The following PKM variants were observed in gnomAD, a reference collection of about 807,000 sequenced individuals.
The protein encoded by PKM is pyruvate kinase PKM.
In PKM, 18 loss-of-function variants were observed where a neutral mutation model predicts 49.8. The observed-to-expected ratio is 0.36, with a 90% confidence interval of 0.25 to 0.54. The LOEUF (loss-of-function observed/expected upper bound fraction) is 0.54. PKM is among the 20% of genes least tolerant of loss of function. The probability of loss-of-function intolerance (pLI) is 0.89; values close to 1 mark genes in which losing one functional copy is unlikely to be tolerated. For missense variants in PKM, 508 were observed against 713.8 expected, an observed-to-expected ratio of 0.71 and a Z score of 3.28; for synonymous variants, 239 against 261.8, an observed-to-expected ratio of 0.91 and a Z score of 0.84.
At chr15:72,226,877 C>T (rs944915239) in intron 1 of PKM, among the ~76,000 whole-genome samples, 4 of 152,216 alleles carry the variant, frequency 2.6e-5, no homozygotes, top group Non-Finnish European at 4.4e-5. Flanking sequence ...TTCCCTCCTA[C>T]GTGCAGACAA....
chr15:72,207,000 G>A, intron 7 of PKM, 120 bp from the exon 8 acceptor site: 3 of 1,468,562 alleles, frequency 2.0e-6, no homozygotes, highest in Non-Finnish European at 1.9e-6. Context: ...GTAGGTACAT[G>A]GGGGAAGGGG....
Position 72,202,911 on chromosome 15 carries a change from G to A in PKM, c.1141-291C>T, listed in dbSNP as rs998058150. 1.9e-5 allele frequency: 22 copies of A among 1,150,262 alleles called. No homozygotes were observed. Among genetic ancestry groups the A allele is most frequent in the South Asian group, 4.9e-5 (4 of 81,124 alleles). The allele number at this position is 1,150,262 out of a possible 1,614,324, so 71.3% of individuals were successfully genotyped here. ...CCTCCCTGGCGGTGTTCCTACAGAC[G>A]AGAAGAGGCTCTGTGCCCAGATGCC... is the stretch of plus-strand genomic sequence containing the variant. On this transcript the variant is annotated intron_variant, in intron 8 of 10. Coordinates refer to ENST00000335181, the MANE Select transcript of PKM (RefSeq NM_002654.6). The surrounding 1 kb of genome is among the most constrained non-coding windows in gnomAD (Gnocchi z 4.5).
chr15:72,209,031 T>A, intron 5 of PKM, 140 bp from the exon 6 acceptor site: 1 of 862,630 alleles, frequency 1.2e-6, no homozygotes, highest in Non-Finnish European at 1.9e-6. Context: ...GTTGAAAACC[T>A]ACTACACTGT....
At chr15:72,221,681 T>C (rs1189225830) in intron 1 of PKM, among the ~76,000 whole-genome samples, 2 of 152,044 alleles carry the variant, frequency 1.3e-5, no homozygotes, top group Non-Finnish European at 2.9e-5. Context: ...TATAAAATTG[T>C]TGGGAGGAAG....
At chr15:72,224,472 C>T (rs2082607725) in intron 1 of PKM, among the ~76,000 whole-genome samples, 1 of 152,126 alleles carries the variant, frequency 6.6e-6, no homozygotes, top group South Asian at 2.1e-4. Flanking sequence ...TATGACTGGT[C>T]TTCCTACGGC....
At chr15:72,214,118 T>C (rs544974363) in intron 3 of PKM, among the ~76,000 whole-genome samples, 1 of 152,352 alleles carries the variant, frequency 6.6e-6, no homozygotes, top group South Asian at 2.1e-4. Flanking sequence ...TACCTTGAGA[T>C]CTTTGCTTTC....
chr15:72,228,645 C>G (rs761154351), intron 1 of PKM: 6 of 1,285,620 alleles, frequency 4.7e-6, no homozygotes, highest in Middle Eastern at 2.1e-4. Context: ...CAGAGCCCCA[C>G]TCCCCCACAG....
chr15:72,203,431 T>C, intron 8 of PKM: 1 of 544,944 alleles, frequency 1.8e-6, no homozygotes, highest in African/African-American at 1.9e-5. Flanking sequence ...GGAAGGATTT[T>C]TTCATTGGGG....
At chr15:72,226,097 C>G (rs1411890423) in intron 1 of PKM, among the ~76,000 whole-genome samples, 1 of 152,230 alleles carries the variant, frequency 6.6e-6, no homozygotes, top group Non-Finnish European at 1.5e-5. Context: ...TACAACATCT[C>G]TATTTCCCTG....
intron 1 of PKM, among the ~76,000 whole-genome samples, chr15:72,225,151 T>C (rs2082634313): frequency 6.7e-6 from 1 of 149,456 alleles, no homozygotes; most frequent in African/African-American, 2.5e-5. Flanking sequence ...TTAGCCAGGA[T>C]GGTCTCAATC....
intron 3 of PKM, among the ~76,000 whole-genome samples, chr15:72,216,206 T>G (rs1274421839): frequency 6.6e-6 from 1 of 152,232 alleles, no homozygotes; most frequent in Non-Finnish European, 1.5e-5. Flanking sequence ...GATAGCATTT[T>G]CTTTACTCTC....
chr15:72,200,395 A>G lies in PKM; in HGVS notation c.1489+79T>C. 1 of 1,397,770 alleles carries G rather than the reference A, an allele frequency of 7.2e-7. No homozygotes were observed. Among genetic ancestry groups the G allele is most frequent in the Non-Finnish European group, 1.0e-6 (1 of 990,304 alleles). The allele number at this position is 1,397,770 out of a possible 1,614,324, so 86.6% of individuals were successfully genotyped here. A position where few individuals can be genotyped will look rare whatever the true frequency, so the allele number is the denominator to read the frequency against. On this transcript the variant is annotated intron_variant, in intron 10 of 10. Transcript: ENST00000335181. This position sits in a 1 kb window ranked among gnomAD's most constrained non-coding sequence, Gnocchi z 4.6. The stretch of plus-strand genomic sequence containing the variant: ...GTGTGTTCCCCTTTCTATTCCCCAA[A>G]CTTTCGGGGTCCCACAGAAGCCAAT...
At chr15:72,230,128 C>G (rs1481055912) in intron 1 of PKM, among the ~76,000 whole-genome samples, 1 of 152,110 alleles carries the variant, frequency 6.6e-6, no homozygotes. Flanking sequence ...TCCCTGGCGG[C>G]CACCCGGCAA....
At chr15:72,231,520 G>C (rs952747194), upstream of PKM, 1 of 152,536 alleles carries the variant, frequency 6.6e-6, no homozygotes, top group Non-Finnish European at 1.5e-5. Context: ...CGGGCCACCT[G>C]TTGCCGCCAA....
chr15:72,229,025 A>C (rs1203365329), intron 1 of PKM, among the ~76,000 whole-genome samples: 1 of 152,200 alleles, frequency 6.6e-6, no homozygotes, highest in South Asian at 2.1e-4. Context: ...GAGAGTTGGA[A>C]AGTTACATTA....
In PKM at chr15:72,200,717, A is replaced by C; in HGVS notation, c.1308-62T>G. The C allele has an allele frequency of 6.2e-6, 9 of 1,447,782 alleles. No homozygotes were observed. The highest frequency in any genetic ancestry group is 8.6e-6 in the Non-Finnish European group (9 of 1,046,406). The allele number at this position is 1,447,782 out of a possible 1,614,324, so 89.7% of individuals were successfully genotyped here. On this transcript the variant is annotated intron_variant, in intron 9 of 10. Transcript: ENST00000335181. The surrounding 1 kb of genome is among the most constrained non-coding windows in gnomAD (Gnocchi z 4.6). ...ACACGAGGCCCCAGGAAGTACCCTCAGGGCGTTCAAACAGCTCACCCTCTC... is the reference window on the plus strand; with the variant it reads ...ACACGAGGCCCCAGGAAGTACCCTCCGGGCGTTCAAACAGCTCACCCTCTC...
rs2082447653 is a variant in PKM, at chr15:72,218,960, G to A, written c.138C>T (p.Gly46=). The A allele has an allele frequency of 6.2e-7, 1 of 1,614,054 alleles. No homozygotes were observed. The highest frequency in any genetic ancestry group is 1.3e-5 in the African/African-American group (1 of 74,920). The change falls in exon 2 of 11, where the codon GGC becomes GGT. Residue 46 remains glycine (G), a synonymous_variant. Coordinates refer to ENST00000335181, the MANE Select transcript of PKM (RefSeq NM_002654.6). ...DSPPITARNT[G]IICTIGPASR... ...CCCACTCACCAATGGTACAGATGAT[G>A]CCAGTGTTCCGGGCTGTGATGGGTG...
chr15:72,218,849 A>C, intron 2 of PKM, 95 bp downstream of exon 2: 1 of 1,261,228 alleles, frequency 7.9e-7, no homozygotes, highest in Non-Finnish European at 1.1e-6. Flanking sequence ...CCCATGTAGC[A>C]CCTAGGTTTG....
intron 1 of PKM, among the ~76,000 whole-genome samples, chr15:72,222,782 C>T (rs1039463188): frequency 6.6e-6 from 1 of 152,194 alleles, no homozygotes; most frequent in Non-Finnish European, 1.5e-5. Flanking sequence ...CATGTCTCCT[C>T]TGTGAGAAAG....
Sources: gnomAD v4.1 joint callset for allele counts (sites outside exome capture counted in the v4.1 genomes callset) on GRCh38, gnomAD v4.1.1 for gene constraint, Gnocchi (gnomAD v3.1) non-coding constraint, MANE v1.5 for transcripts, NCBI Gene and HGNC (gene_info 2026-07-23, HGNC 2026-07-21) for gene names.